ZNF169: variants seen among roughly 807,000 people sequenced by gnomAD.
ZNF169 encodes zinc finger protein 169.
In ZNF169, 11 loss-of-function variants were observed where a neutral mutation model predicts 12.0. The observed-to-expected ratio is 0.92, with a 90% CI of 0.58 to 1.52. The LOEUF (loss-of-function observed/expected upper bound fraction) is 1.52. Ranked by LOEUF, ZNF169 falls within the 40% of genes most tolerant of loss-of-function variation. ZNF169 has a pLI of 0.00. For synonymous variants in ZNF169, 302 were observed against 286.5 expected (o/e 1.05, Z -0.55); for missense variants, 722 against 744.0 (o/e 0.97, Z 0.34).
In ZNF169 at chr9:94,301,107, A is replaced by G; in HGVS notation, c.1549A>G (p.Arg517Gly). The G allele has an allele frequency of 6.2e-7, 1 of 1,614,026 alleles. No individual in the cohort carries two copies. The highest frequency in any genetic ancestry group is 8.5e-7 in the Non-Finnish European group (1 of 1,179,994). The change falls in exon 5 of 5, where the codon AGG becomes GGG. Residue 517 changes from arginine (R) to glycine (G), a missense_variant. Physicochemically the swap from Arg to Gly is moderately radical, Grantham distance 125 (BLOSUM62 -2). Coordinates refer to ENST00000395395, the MANE Select transcript of ZNF169 (RefSeq NM_194320.4). ...CTCAGAGGAGGAGCTTTACGTAGAC[A>G]GGGTGTGTGGACAAGGACTTGGCCA... Reference protein sequence around the residue: ...THSEEELYVDRVCGQGLGQKS... With the variant: ...THSEEELYVDGVCGQGLGQKS...
At chr9:94,289,226 C>T (rs1282995234) in intron 2 of ZNF169, among the ~76,000 whole-genome samples, 3 of 151,380 alleles carry the variant, frequency 2.0e-5, no homozygotes, top group African/African-American at 7.3e-5. Flanking sequence ...TAGTAAGACC[C>T]CATCTGTTAA....
chr9:94,277,943 GA>G (rs1389356323), intron 1 of ZNF169, among the ~76,000 whole-genome samples: 2 of 114,092 alleles, frequency 1.8e-5, no homozygotes, highest in Admixed American at 8.3e-5. Context: ...AAAAAAAAAA[GA>G]AAAAAGAAAA....
chr9:94,292,902 G>C, intron 3 of ZNF169, 72 bp from the exon 4 acceptor site: 1 of 1,327,898 alleles, frequency 7.5e-7, no homozygotes, highest in Non-Finnish European at 1.1e-6. Context: ...TTCCTGGGTT[G>C]GCTCTGAGTT....
intron 2 of ZNF169, among the ~76,000 whole-genome samples, chr9:94,284,157 G>C (rs1830684550): frequency 6.6e-6 from 1 of 151,844 alleles, no homozygotes; most frequent in African/African-American, 2.4e-5. Flanking sequence ...GGGCGCAGTG[G>C]CTCATACCTG....
chr9:94,271,717 T>TC (rs1830427911), intron 1 of ZNF169, among the ~76,000 whole-genome samples: 1 of 85,118 alleles, frequency 1.2e-5, no homozygotes, highest in Non-Finnish European at 2.2e-5. Context: ...AGACTCTGTC[T>TC]CAAAAAAAAA....
chr9:94,291,558 A>G (rs893152775), intron 2 of ZNF169, among the ~76,000 whole-genome samples: 2 of 152,220 alleles, frequency 1.3e-5, no homozygotes, highest in African/African-American at 2.4e-5. Context: ...ATGATTGTCT[A>G]TGTAGAAAAT....
intron 1 of ZNF169, among the ~76,000 whole-genome samples, chr9:94,277,081 C>G (rs1210770573): frequency 4.6e-5 from 7 of 152,046 alleles, no homozygotes; most frequent in Non-Finnish European, 7.4e-5. Context: ...TTAAGAAATA[C>G]GTTGGTTTGG....
intron 3 of ZNF169, chr9:94,292,748 A>G (rs768049338): frequency 1.8e-5 from 11 of 615,916 alleles, no homozygotes; most frequent in Non-Finnish European, 3.1e-5. Context: ...AAAAGGAGGA[A>G]TATTTTTATT....
intron 2 of ZNF169, among the ~76,000 whole-genome samples, chr9:94,290,767 TTGG>T (rs1830812542): frequency 6.6e-6 from 1 of 152,174 alleles, no homozygotes; most frequent in Non-Finnish European, 1.5e-5. Flanking sequence ...CTTTCAATTT[TTGG>T]GGGTATATTC....
In ZNF169 at chr9:94,300,691, A is replaced by G. The variant is rs1438987612; in HGVS notation, c.1133A>G (p.Glu378Gly). The G allele has an allele frequency of 6.2e-7, 1 of 1,613,708 alleles. No homozygotes were observed. The highest frequency in any genetic ancestry group is 8.5e-7 in the Non-Finnish European group (1 of 1,179,780). ...HTGERPFLCL[E>G]CGRSFRQQSL... Reference sequence around the variant, plus strand: ...GGGGAGAGGCCCTTCCTGTGCCTTGAGTGTGGGCGTAGCTTCAGGCAGCAG... The same window carrying G: ...GGGGAGAGGCCCTTCCTGTGCCTTGGGTGTGGGCGTAGCTTCAGGCAGCAG... The change falls in exon 5 of 5, where the codon GAG (glutamate) becomes GGG (glycine). Residue 378 changes from glutamate to glycine, a missense_variant. Physicochemically the swap from Glu to Gly is moderately conservative, Grantham distance 98. Transcript: ENST00000395395.
At chr9:94,266,569 C>T (rs1830297197) in intron 1 of ZNF169, among the ~76,000 whole-genome samples, 1 of 152,076 alleles carries the variant, frequency 6.6e-6, no homozygotes, top group Admixed American at 6.6e-5. Flanking sequence ...GTCTTCAGTT[C>T]ACAGGGCTTC....
At chr9:94,268,035 T>C (rs1318360593) in intron 1 of ZNF169, among the ~76,000 whole-genome samples, 1 of 132,530 alleles carries the variant, frequency 7.5e-6, no homozygotes, top group Non-Finnish European at 1.8e-5. Flanking sequence ...CCAGCTAATT[T>C]TTTTTGTTTT....
At chr9:94,272,923 T>C (rs1195513837) in intron 1 of ZNF169, among the ~76,000 whole-genome samples, 1 of 152,130 alleles carries the variant, frequency 6.6e-6, no homozygotes, top group African/African-American at 2.4e-5. Context: ...GCCATACAAA[T>C]TGGGGTTAGG....
intron 1 of ZNF169, among the ~76,000 whole-genome samples, chr9:94,277,546 T>A (rs2118588981): frequency 6.6e-6 from 1 of 152,300 alleles, no homozygotes; most frequent in African/African-American, 2.4e-5. Context: ...TAAGTCATGA[T>A]ATACAGGGTT....
At chr9:94,286,025 T>C (rs936328045) in intron 2 of ZNF169, among the ~76,000 whole-genome samples, 1 of 151,940 alleles carries the variant, frequency 6.6e-6, no homozygotes, top group Non-Finnish European at 1.5e-5. Flanking sequence ...AAAAAAAGTA[T>C]AGCTTACTGT....
intron 2 of ZNF169, among the ~76,000 whole-genome samples, chr9:94,279,834 C>T (rs1830595595): frequency 6.6e-6 from 1 of 152,064 alleles, no homozygotes; most frequent in Non-Finnish European, 1.5e-5. Context: ...GTTTTGCAGG[C>T]CCATACTTTA....
chr9:94,264,435 A>G (rs1189292075), intron 1 of ZNF169, among the ~76,000 whole-genome samples: 2 of 152,154 alleles, frequency 1.3e-5, no homozygotes, highest in Non-Finnish European at 1.5e-5. Flanking sequence ...GCCTGGCTTC[A>G]GTTGTATATG....
At position 94,300,008 on chromosome 9, in the gene ZNF169, C is replaced by T; in HGVS notation, c.450C>T (p.Asp150=). 1 of 1,614,098 alleles carries T rather than the reference C, an allele frequency of 6.2e-7. No homozygotes were observed. Among genetic ancestry groups the T allele is most frequent in the African/African-American group, 1.3e-5 (1 of 75,006 alleles). ...AAAGTGGAGAGACAGAAGGCCCCGACAGCTCATTAAGAAAGAGGCCAAGCA... is the reference window on the plus strand; with the variant it reads ...AAAGTGGAGAGACAGAAGGCCCCGATAGCTCATTAAGAAAGAGGCCAAGCA... ...KGESGETEGP[D]SSLRKRPSRI... is the part of the protein sequence containing the mutation. The change falls in exon 5 of 5, where the codon GAC becomes GAT. Residue 150 remains aspartate, a synonymous_variant. Transcript: ENST00000395395.
chr9:94,292,667 G>T (rs1830869637), intron 3 of ZNF169, 200 bp downstream of exon 3: 6 of 725,934 alleles, frequency 8.3e-6, no homozygotes, highest in African/African-American at 5.4e-5. Context: ...TGAGCGTGTG[G>T]TGTGTCTGAC....
Sources: gnomAD v4.1 joint callset for allele counts (sites outside exome capture counted in the v4.1 genomes callset) on GRCh38, gnomAD v4.1.1 for gene constraint, MANE v1.5 for transcripts, NCBI Gene and HGNC (gene_info 2026-07-23, HGNC 2026-07-21) for gene names.